Variants in NELL1 observed in about 807,000 individuals in gnomAD.
NELL1 encodes protein kinase C-binding protein NELL1.
In NELL1, 76 loss-of-function variants were observed where a neutral mutation model predicts 107.4. The observed-to-expected ratio is 0.71, with a 90% CI of 0.59 to 0.86. The LOEUF (loss-of-function observed/expected upper bound fraction) is 0.86, where lower values mean the gene tolerates loss of function less well. Among genes scored for constraint, NELL1 ranks in the 40% least tolerant of loss-of-function variants. NELL1 has a pLI of 0.00. For missense variants in NELL1, 1,024 were observed against 1,005.5 expected, an observed-to-expected ratio of 1.02 and a Z score of -0.25; for synonymous variants, 353 against 341.2, an observed-to-expected ratio of 1.03 and a Z score of -0.38.
intron 12 of NELL1, among the ~76,000 whole-genome samples, chr11:21,009,039 A>G (rs1852390284): frequency 6.6e-6 from 1 of 152,086 alleles, no homozygotes; most frequent in Non-Finnish European, 1.5e-5. Flanking sequence ...GAATGTTTAT[A>G]AACACCTTGA....
At chr11:21,445,022 TTACA>T (rs1194052950) in intron 15 of NELL1, among the ~76,000 whole-genome samples, 4 of 152,180 alleles carry the variant, frequency 2.6e-5, no homozygotes, top group African/African-American at 7.2e-5. Flanking sequence ...TTAACACTGA[TTACA>T]TAAAGAAACA....
intron 3 of NELL1, among the ~76,000 whole-genome samples, chr11:20,825,059 C>T (rs1857849411): frequency 6.6e-6 from 1 of 151,340 alleles, no homozygotes; most frequent in Admixed American, 6.6e-5. Flanking sequence ...TCAGAGGGTG[C>T]AAGCCCCAAG....
intron 12 of NELL1, among the ~76,000 whole-genome samples, chr11:21,104,193 C>T (rs1291265684): frequency 1.3e-5 from 2 of 152,156 alleles, no homozygotes; most frequent in African/African-American, 4.8e-5. Flanking sequence ...CACACCCTGA[C>T]AGATTGAGGT....
chr11:21,387,000 C>T (rs544603266), intron 15 of NELL1, among the ~76,000 whole-genome samples: 25 of 151,894 alleles, frequency 1.6e-4, no homozygotes, highest in Non-Finnish European at 2.9e-4. Context: ...TGAGCATTGA[C>T]CAACATCCTT....
intron 15 of NELL1, among the ~76,000 whole-genome samples, chr11:21,375,762 T>A (rs1425272209): frequency 6.6e-6 from 1 of 152,138 alleles, no homozygotes; most frequent in African/African-American, 2.4e-5. Context: ...TGTGAGATGG[T>A]ATTTCACTGT....
At chr11:21,238,864 C>G (rs1439520614) in intron 14 of NELL1, among the ~76,000 whole-genome samples, 2 of 152,020 alleles carry the variant, frequency 1.3e-5, no homozygotes, top group East Asian at 3.9e-4. Context: ...GTGACTTCAG[C>G]AAGTGACTAA....
At chr11:20,846,946 G>GC (rs1564932184) in intron 3 of NELL1, among the ~76,000 whole-genome samples, 3 of 152,062 alleles carry the variant, frequency 2.0e-5, no homozygotes, top group African/African-American at 7.2e-5. Context: ...TTTCTTATGG[G>GC]TTTGAAAAAC....
chr11:21,059,666 T>G (rs1251246913), intron 12 of NELL1, among the ~76,000 whole-genome samples: 1 of 152,120 alleles, frequency 6.6e-6, no homozygotes, highest in Admixed American at 6.5e-5. Context: ...TCCCCTACTC[T>G]GTAGGACAGT....
chr11:21,519,799 T>G (rs1855672213), intron 15 of NELL1, among the ~76,000 whole-genome samples: 1 of 151,990 alleles, frequency 6.6e-6, no homozygotes, highest in Non-Finnish European at 1.5e-5. Context: ...GACTCCAGAG[T>G]CCTAAAATTG....
chr11:20,775,073 T>A (rs1214942678), intron 2 of NELL1, among the ~76,000 whole-genome samples: 2 of 152,252 alleles, frequency 1.3e-5, no homozygotes, highest in Non-Finnish European at 2.9e-5. Context: ...CTCCCATTTC[T>A]ATGATGAGCT....
At chr11:20,914,625 A>G (rs181857609) in intron 5 of NELL1, among the ~76,000 whole-genome samples, 1 of 152,166 alleles carries the variant, frequency 6.6e-6, no homozygotes, top group African/African-American at 2.4e-5. Context: ...CATGGTCTGA[A>G]CTAGATTTCC....
intron 13 of NELL1, among the ~76,000 whole-genome samples, chr11:21,141,832 C>T (rs547498881): frequency 2.0e-5 from 3 of 151,980 alleles, no homozygotes; most frequent in African/African-American, 4.8e-5. Context: ...GGCATGATCT[C>T]GGCTCACTGC....
intron 12 of NELL1, among the ~76,000 whole-genome samples, chr11:21,028,417 A>G (rs1852873565): frequency 6.6e-6 from 1 of 152,150 alleles, no homozygotes; most frequent in Non-Finnish European, 1.5e-5. Flanking sequence ...ACATTTACAA[A>G]ACAGGGGCTT....
intron 12 of NELL1, among the ~76,000 whole-genome samples, chr11:21,019,104 T>C (rs1291142971): frequency 6.6e-6 from 1 of 152,124 alleles, no homozygotes; most frequent in Non-Finnish European, 1.5e-5. Context: ...AGCTCTAACA[T>C]GAACTAGCTT....
chr11:21,054,446 A>T (rs1853568422), intron 12 of NELL1, among the ~76,000 whole-genome samples: 1 of 151,878 alleles, frequency 6.6e-6, no homozygotes, highest in Non-Finnish European at 1.5e-5. Flanking sequence ...TATTTTTCTT[A>T]CAGTACTTGG....
At chr11:20,769,068 C>T (rs1856591416) in intron 2 of NELL1, among the ~76,000 whole-genome samples, 1 of 151,802 alleles carries the variant, frequency 6.6e-6, no homozygotes, top group Admixed American at 6.6e-5. Flanking sequence ...GAGAAAACGA[C>T]AAAGACTAAG....
chr11:20,954,158 T>C lies in NELL1; in HGVS notation c.1172-6274T>C, dbSNP rs564017485. On this transcript the variant is annotated intron_variant, in intron 11 of 19. Transcript: ENST00000357134. ...TTCATATAATTGTTATAAACTCTTA[T>C]AACAATTTTATGGGATAATGTATGT... is the stretch of plus-strand genomic sequence containing the variant. Among the ~76,000 whole-genome samples the C allele has an allele frequency of 1.1e-4, 17 of 152,352 alleles. No individual in the cohort carries two copies. In the South Asian group the frequency reaches 3.3e-3, roughly 30 times the overall value.
At chr11:20,804,726 C>A (rs1486577197) in intron 3 of NELL1, among the ~76,000 whole-genome samples, 1 of 152,108 alleles carries the variant, frequency 6.6e-6, no homozygotes, top group Non-Finnish European at 1.5e-5. Context: ...TAAGAATTAT[C>A]CATGTGCTGA....
intron 14 of NELL1, among the ~76,000 whole-genome samples, chr11:21,318,027 A>G (rs903882259): frequency 2.0e-5 from 3 of 151,902 alleles, no homozygotes; most frequent in African/African-American, 7.3e-5. Context: ...AATGAAGGCT[A>G]TCATTTCCAG....
Sources: allele counts gnomAD v4.1 joint callset (sites outside exome capture counted in the v4.1 genomes callset), GRCh38; gene constraint gnomAD v4.1.1; transcripts MANE v1.5; gene names NCBI Gene and HGNC (gene_info 2026-07-23, HGNC 2026-07-21).